Variants in GOLPH3L observed in about 807,000 individuals in gnomAD.
GOLPH3L encodes Golgi phosphoprotein 3-like.
A neutral mutation model predicts 30.3 loss-of-function variants in GOLPH3L; 22 were observed. That is an observed-to-expected ratio of 0.73 (90% CI 0.52 to 1.04). The LOEUF is 1.04. Ranked by LOEUF, GOLPH3L falls within the 50% of genes least tolerant of loss-of-function variation. The probability of loss-of-function intolerance (pLI) is 0.00; values close to 1 mark genes in which losing one functional copy is unlikely to be tolerated. For synonymous variants in GOLPH3L, 120 were observed against 128.2 expected (o/e 0.94, Z 0.43); for missense variants, 303 against 345.8 (o/e 0.88, Z 0.98).
intron 4 of GOLPH3L, among the ~76,000 whole-genome samples, chr1:150,652,464 AAAAT>A (rs1249562234): frequency 6.6e-6 from 1 of 151,698 alleles, no homozygotes; most frequent in Admixed American, 6.6e-5. Flanking sequence ...AAAAGGAGAA[AAAAT>A]AAATACATTC....
At position 150,661,827 on chromosome 1, in the gene GOLPH3L, T is replaced by C. The variant is rs200566228; in HGVS notation, c.417A>G (p.Ile139Met). Residue 139 changes from isoleucine (I) to methionine (M), a missense_variant, in exon 4 of 5, where the codon ATA (isoleucine) becomes ATG (methionine). Coordinates refer to ENST00000271732, the MANE Select transcript of GOLPH3L (RefSeq NM_018178.6). Reference protein sequence around the residue: ...TEPTETVQTWIELLTGETWNP... With the variant: ...TEPTETVQTWMELLTGETWNP... ...AAGTCATCTTACCAGTGAGTAGCTC[T>C]ATCCATGTTTGGACAGTTTCTGTGG... The C allele has an allele frequency of 8.9e-5, 128 of 1,446,096 alleles. No individual in the cohort carries two copies. The highest frequency in any genetic ancestry group is 1.7e-4 in the Middle Eastern group (1 of 5,736). The allele number at this position is 1,446,096 out of a possible 1,614,324, so 89.6% of individuals were successfully genotyped here.
At chr1:150,658,429 T>C (rs1650297466) in intron 4 of GOLPH3L, among the ~76,000 whole-genome samples, 3 of 152,220 alleles carry the variant, frequency 2.0e-5, no homozygotes, top group Admixed American at 6.5e-5. Context: ...TGCCTGGATG[T>C]AATCACTCTA....
chr1:150,685,786 C>A (rs1318596258), intron 2 of GOLPH3L, among the ~76,000 whole-genome samples: 1 of 151,600 alleles, frequency 6.6e-6, no homozygotes, highest in Non-Finnish European at 1.5e-5. Flanking sequence ...TTATTTGGGT[C>A]ACACTAAACA....
intron 2 of GOLPH3L, among the ~76,000 whole-genome samples, chr1:150,672,575 G>T (rs938161633): frequency 5.3e-5 from 8 of 151,936 alleles, no homozygotes; most frequent in African/African-American, 1.5e-4. Context: ...GGATTACAGG[G>T]GCCTGCCACC....
intron 2 of GOLPH3L, among the ~76,000 whole-genome samples, chr1:150,666,845 A>T (rs1312934670): frequency 1.3e-5 from 2 of 152,140 alleles, no homozygotes; most frequent in African/African-American, 4.8e-5. Context: ...AATATGGGAC[A>T]ATATATGAGG....
In GOLPH3L at chr1:150,663,670, G is replaced by T. The variant is rs753924066; in HGVS notation, c.277C>A (p.Pro93Thr). 2 of 1,613,746 alleles carry T rather than the reference G, an allele frequency of 1.2e-6. No individual in the cohort carries two copies. Among genetic ancestry groups the T allele is most frequent in the East Asian group, 2.2e-5 (1 of 44,870 alleles). Residue 93 changes from proline to threonine, a missense_variant, in exon 3 of 5, where the codon CCC becomes ACC. By Grantham distance (38) the Pro-to-Thr change is conservative. Transcript: ENST00000271732. ...AGTCGCTTCTTACGCATGGTCGGGG[G>T]TTCCAGATAGATTCGACCCCGCATG... is the stretch of plus-strand genomic sequence containing the variant. The part of the protein sequence containing the change: ...LAMRGRIYLE[P>T]PTMRKKRLLD...
At chr1:150,649,258 AG>A (rs1458352342) in intron 4 of GOLPH3L, among the ~76,000 whole-genome samples, 1 of 152,228 alleles carries the variant, frequency 6.6e-6, no homozygotes, top group African/African-American at 2.4e-5. Context: ...CAAGAAGACC[AG>A]GGGCTAACAC....
At chr1:150,653,466 T>TTA (rs1185009019) in intron 4 of GOLPH3L, among the ~76,000 whole-genome samples, 1 of 147,252 alleles carries the variant, frequency 6.8e-6, no homozygotes, top group East Asian at 2.0e-4. Flanking sequence ...TTTTTTTTTT[T>TTA]TTTTTTTTTT....
intron 2 of GOLPH3L, among the ~76,000 whole-genome samples, chr1:150,676,634 A>ATTTT (rs1225677880): frequency 8.3e-6 from 1 of 120,964 alleles, no homozygotes. Context: ...CATACATTCT[A>ATTTT]TTTTTTTTTT....
intron 2 of GOLPH3L, among the ~76,000 whole-genome samples, chr1:150,665,394 A>G (rs1159345776): frequency 6.6e-6 from 1 of 151,958 alleles, no homozygotes; most frequent in Non-Finnish European, 1.5e-5. Context: ...TGGGGCCATC[A>G]TAGCTCACTG....
intron 4 of GOLPH3L, among the ~76,000 whole-genome samples, chr1:150,651,642 C>CAAAAAAAAAAAAAAAAAAAAAAGA (rs1650108026): frequency 1.6e-5 from 1 of 60,852 alleles, no homozygotes; most frequent in Admixed American, 2.1e-4. Flanking sequence ...GAGCGAAACT[C>CAAAAAAAAAAAAAAAAAAAAAAGA]AAAAAAAAAA....
intron 1 of GOLPH3L, among the ~76,000 whole-genome samples, chr1:150,695,158 G>A (rs950495473): frequency 6.6e-6 from 1 of 152,032 alleles, no homozygotes; most frequent in African/African-American, 2.4e-5. Flanking sequence ...TTTCTTGAGA[G>A]GGAGTCTTGC....
Position 150,647,024 on chromosome 1 carries a change from C to T in GOLPH3L, c.*1297G>A, listed in dbSNP as rs994550158. 6.6e-6 allele frequency: 1 copy of T among 152,162 alleles called. No individual in the cohort carries two copies. Among genetic ancestry groups the T allele is most frequent in the Non-Finnish European group, 1.5e-5 (1 of 68,036 alleles). The allele number at this position is 152,162 out of a possible 1,614,324, so 9.4% of individuals were successfully genotyped here. Reference sequence around the variant, plus strand: ...GAAATAAGACTGATGACTAGGAGCACATCTATGGATTAAATATAGACAAAA... The same window carrying T: ...GAAATAAGACTGATGACTAGGAGCATATCTATGGATTAAATATAGACAAAA... On this transcript the variant is annotated 3_prime_UTR_variant, in exon 5 of 5. Transcript: ENST00000271732.
intron 2 of GOLPH3L, among the ~76,000 whole-genome samples, chr1:150,669,530 C>T (rs1004230501): frequency 3.9e-5 from 6 of 152,172 alleles, no homozygotes; most frequent in Non-Finnish European, 7.3e-5. Flanking sequence ...ACCATTTGAT[C>T]ATTAAATCTC....
chr1:150,690,579 G>GTCTC (rs1412061054), intron 2 of GOLPH3L, among the ~76,000 whole-genome samples: 2 of 152,118 alleles, frequency 1.3e-5, no homozygotes, highest in Non-Finnish European at 2.9e-5. Context: ...GAGTCTAAAA[G>GTCTC]TCTCTGCCTG....
chr1:150,695,874 T>C (rs1651340687), intron 1 of GOLPH3L, among the ~76,000 whole-genome samples: 1 of 151,916 alleles, frequency 6.6e-6, no homozygotes, highest in African/African-American at 2.4e-5. Flanking sequence ...GGCAAGAGAG[T>C]GTTGAAAGAT....
At chr1:150,659,541 C>T in intron 4 of GOLPH3L, among the ~76,000 whole-genome samples, 1 of 152,110 alleles carries the variant, frequency 6.6e-6, no homozygotes. Context: ...TTTTAGTAAA[C>T]CTTATGATTG....
intron 4 of GOLPH3L, among the ~76,000 whole-genome samples, chr1:150,654,857 C>A (rs192270950): frequency 1.6e-4 from 24 of 152,230 alleles, no homozygotes; most frequent in African/African-American, 5.8e-4. Context: ...CCCTTGCCAG[C>A]GGGAACGATA....
At chr1:150,689,171 CAGTAAGT>C (rs1208328779) in intron 2 of GOLPH3L, among the ~76,000 whole-genome samples, 9 of 152,104 alleles carry the variant, frequency 5.9e-5, no homozygotes, top group South Asian at 2.1e-4. Context: ...TTTTCTTTCA[CAGTAAGT>C]AGTAAGTATT....
Sources: gnomAD v4.1 joint callset for allele counts (sites outside exome capture counted in the v4.1 genomes callset) on GRCh38, gnomAD v4.1.1 for gene constraint, MANE v1.5 for transcripts, NCBI Gene and HGNC (gene_info 2026-07-23, HGNC 2026-07-21) for gene names.